The following TRMT61A variants were observed in gnomAD, a reference collection of about 807,000 sequenced individuals.
TRMT61A encodes tRNA methyltransferase 61A.
A neutral mutation model predicts 21.3 loss-of-function variants in TRMT61A; 15 were observed. The observed-to-expected ratio is 0.70, with a 90% CI of 0.47 to 1.08. TRMT61A has a LOEUF of 1.08. Among genes scored for constraint, TRMT61A ranks in the 50% least tolerant of loss-of-function variants. The pLI, the probability that TRMT61A is intolerant of heterozygous loss-of-function variation, is 0.00. For synonymous variants in TRMT61A, 183 were observed against 185.5 expected (o/e 0.99, Z 0.11); for missense variants, 352 against 426.7 (o/e 0.83, Z 1.54).
chr14:103,536,863 A>C lies in TRMT61A; in HGVS notation c.*2042A>C, dbSNP rs2075975952. ...CATGGAGAGCGGGAGGTCCCAGCCC[A>C]CCCTTAGTTGTCACATGGGACAGAG... is the stretch of plus-strand genomic sequence containing the variant. On this transcript the variant is annotated 3_prime_UTR_variant, in exon 4 of 4. Transcript: ENST00000389749. 1 of 151,918 alleles carries C rather than the reference A, an allele frequency of 6.6e-6. No homozygotes were observed. Among genetic ancestry groups the C allele is most frequent in the Admixed American group, 6.6e-5 (1 of 15,250 alleles). The allele number at this position is 151,918 out of a possible 1,614,324, so 9.4% of individuals were successfully genotyped here.
At chr14:103,533,717 G>A (rs1404082441) in intron 3 of TRMT61A, among the ~76,000 whole-genome samples, 4 of 152,164 alleles carry the variant, frequency 2.6e-5, no homozygotes, top group Admixed American at 1.3e-4. Context: ...CTTTCCCTGC[G>A]AGCTCCCCCT....
chr14:103,534,424 G>T, intron 3 of TRMT61A, 126 bp from the exon 4 acceptor site: 5 of 1,144,462 alleles, frequency 4.4e-6, no homozygotes, highest in Non-Finnish European at 6.0e-6. Flanking sequence ...TGGAGAGCTT[G>T]CAGTCTGTGT....
At position 103,530,011 on chromosome 14, in the gene TRMT61A, G is replaced by C; in HGVS notation, c.33G>C (p.Lys11Asn). ...TCGTGGCATACGAGGAGCTGATCAAGGAGGGTGACACGGCCATCCTGTCAC... is the reference window on the plus strand; with the variant it reads ...TCGTGGCATACGAGGAGCTGATCAACGAGGGTGACACGGCCATCCTGTCAC... MSFVAYEELI[K>N]EGDTAILSLG... is the part of the protein sequence containing the mutation. The change falls in exon 2 of 4, where the codon AAG becomes AAC. Residue 11 changes from lysine (K) to asparagine (N), a missense_variant. By Grantham distance (94) the Lys-to-Asn change is moderately conservative. Transcript: ENST00000389749. 6.2e-7 allele frequency: 1 copy of C among 1,611,954 alleles called. No homozygotes were observed. The highest frequency in any genetic ancestry group is 8.5e-7 in the Non-Finnish European group (1 of 1,179,258).
rs1444703883 is a variant in TRMT61A at position 103,534,813 on chromosome 14, C to T, written c.862C>T (p.Pro288Ser). The T allele has an allele frequency of 6.4e-7, 1 of 1,550,784 alleles. No individual in the cohort carries two copies. The highest frequency in any genetic ancestry group is 1.4e-5 in the African/African-American group (1 of 73,730). Residue 288 changes from proline to serine, a missense_variant, in exon 4 of 4, where the codon CCA becomes TCA. Physicochemically the swap from Pro to Ser is moderately conservative, Grantham distance 74. Coordinates refer to ENST00000389749, the MANE Select transcript of TRMT61A (RefSeq NM_152307.3). ...TGYLTFATKT[P>S]G ...CTACCTGACCTTCGCCACCAAGACC[C>T]CAGGCTAGGGGGCCGCCTCCCAGGG...
At position 103,532,696 on chromosome 14, in the gene TRMT61A, A is replaced by G. The variant is rs200065262; in HGVS notation, c.446A>G (p.Gln149Arg). Residue 149 changes from glutamine to arginine, a missense_variant, in exon 3 of 4, where the codon CAG becomes CGG. Physicochemically the swap from Gln to Arg is conservative, Grantham distance 43. Coordinates refer to ENST00000389749, the MANE Select transcript of TRMT61A (RefSeq NM_152307.3). The part of the protein sequence containing the change: ...QRAEKAREEF[Q>R]EHRVGRWVTV... ...GCAGAGAAGGCCCGGGAGGAGTTCC[A>G]GGAGCACCGTGTGGGCCGCTGGGTG... The G allele has an allele frequency of 9.3e-6, 15 of 1,613,244 alleles. No homozygotes were observed. The African/African-American group carries it at 1.7e-4, about 19-fold the overall frequency.
In TRMT61A at chr14:103,530,203, C is replaced by G. The variant is rs952631507; in HGVS notation, c.225C>G (p.Leu75=). The G allele has an allele frequency of 3.1e-6, 5 of 1,612,308 alleles. No individual in the cohort carries two copies. Among genetic ancestry groups the G allele is most frequent in the Non-Finnish European group, 4.2e-6 (5 of 1,179,560 alleles). Residue 75 remains leucine (L), a synonymous_variant, in exon 2 of 4, where the codon CTC becomes CTG. Transcript: ENST00000389749. The part of the protein sequence containing the change: ...WVYVLHPTPE[L]WTLNLPHRTQ... ...ATGTGCTGCACCCCACGCCCGAGCT[C>G]TGGACGCTGAACCTGCCGCACCGCA...
At chr14:103,532,981 T>C in intron 3 of TRMT61A, 133 bp downstream of exon 3, 1 of 1,284,528 alleles carries the variant, frequency 7.8e-7, no homozygotes, top group Non-Finnish European at 1.0e-6. Context: ...GGGCCCCACT[T>C]TGGCCTGAGG....
chr14:103,534,832 C>G lies in TRMT61A; in HGVS notation c.*11C>G. On this transcript the variant is annotated 3_prime_UTR_variant, in exon 4 of 4. Transcript: ENST00000389749. ...AAGACCCCAGGCTAGGGGGCCGCCT[C>G]CCAGGGCACCAGGGAGCTGGGAGCA... 6.5e-7 allele frequency: 1 copy of G among 1,540,780 alleles called. No homozygotes were observed. Among genetic ancestry groups the G allele is most frequent in the Non-Finnish European group, 8.7e-7 (1 of 1,146,014 alleles).
rs1251494772 is a variant in TRMT61A at position 103,531,920 on chromosome 14, A to C, written c.332-662A>C. On this transcript the variant is annotated intron_variant, in intron 2 of 3. Transcript: ENST00000389749. The surrounding 1 kb of genome is among the most constrained non-coding windows in gnomAD (Gnocchi z 5.1). ...AGACAGGAAGTCAAGCAGAGGGGCCATCTTGAGGGAAGCTGGGGAGGGAAG... is the reference window on the plus strand; with the variant it reads ...AGACAGGAAGTCAAGCAGAGGGGCCCTCTTGAGGGAAGCTGGGGAGGGAAG... Among the ~76,000 whole-genome samples the C allele has an allele frequency of 1.3e-5, 2 of 151,882 alleles. No individual in the cohort carries two copies. The highest frequency in any genetic ancestry group is 4.8e-5 in the African/African-American group (2 of 41,326).
In TRMT61A at chr14:103,532,622, C is replaced by T. The variant is rs1235402912; in HGVS notation, c.372C>T (p.Thr124=). 6.8e-6 allele frequency: 11 copies of T among 1,613,332 alleles called. No individual in the cohort carries two copies. The highest frequency in any genetic ancestry group is 9.3e-6 in the Non-Finnish European group (11 of 1,180,022). The change falls in exon 3 of 4, where the codon ACC becomes ACT. Residue 124 remains threonine (T), a synonymous_variant. Transcript: ENST00000389749. The stretch of plus-strand genomic sequence containing the variant: ...CTGTGTCCCACGCCATCATCCGCAC[C>T]ATTGCACCCACGGGTCACCTGCACA... The part of the protein sequence containing the change: ...SGSVSHAIIR[T]IAPTGHLHTV...
At position 103,534,629 on chromosome 14, in the gene TRMT61A, A is replaced by G; in HGVS notation, c.678A>G (p.Ser226=). ...AGGCGCTGGCAGCGCGCGGCTTCTC[A>G]GAGCTGAGCACCCTGGAGGTGCTGC... ...TCQALAARGF[S]ELSTLEVLPQ... The change falls in exon 4 of 4, where the codon TCA becomes TCG. Residue 226 remains serine, a synonymous_variant. Transcript: ENST00000389749. 3 of 1,609,700 alleles carry G rather than the reference A, an allele frequency of 1.9e-6. No homozygotes were observed. The highest frequency in any genetic ancestry group is 2.5e-6 in the Non-Finnish European group (3 of 1,177,918).
chr14:103,534,674 C>T lies in TRMT61A; in HGVS notation c.723C>T (p.Arg241=). Residue 241 remains arginine (R), a synonymous_variant, in exon 4 of 4, where the codon CGC becomes CGT. Transcript: ENST00000389749. ...LEVLPQVYNV[R]TVSLPPPDLG... is the part of the protein sequence containing the mutation. ...TGCTGCCACAGGTCTACAACGTGCG[C>T]ACTGTCAGCCTGCCACCGCCCGACC... The T allele has an allele frequency of 1.9e-6, 3 of 1,610,506 alleles. No homozygotes were observed. Among genetic ancestry groups the T allele is most frequent in the Non-Finnish European group, 2.5e-6 (3 of 1,179,692 alleles).
chr14:103,530,144 T>C lies in TRMT61A; in HGVS notation c.166T>C (p.Ser56Pro). 1 of 1,612,850 alleles carries C rather than the reference T, an allele frequency of 6.2e-7. No individual in the cohort carries two copies. The highest frequency in any genetic ancestry group is 8.5e-7 in the Non-Finnish European group (1 of 1,179,998). Residue 56 changes from serine to proline, a missense_variant, in exon 2 of 4, where the codon TCC becomes CCC. Transcript: ENST00000389749. ...TGACCTTATCGGCCGCCCCTTCGGC[T>C]CCAAGGTGACGTGCGGCCGAGGTGG... is the stretch of plus-strand genomic sequence containing the variant. The part of the protein sequence containing the change: ...SVDLIGRPFG[S>P]KVTCGRGGWV...
Position 103,530,201 on chromosome 14 carries a change from C to G in TRMT61A, c.223C>G (p.Leu75Val), listed in dbSNP as rs1162551813. 1 of 1,612,404 alleles carries G rather than the reference C, an allele frequency of 6.2e-7. No individual in the cohort carries two copies. The highest frequency in any genetic ancestry group is 1.7e-5 in the Admixed American group (1 of 60,026). ...GTATGTGCTGCACCCCACGCCCGAG[C>G]TCTGGACGCTGAACCTGCCGCACCG... ...WVYVLHPTPE[L>V]WTLNLPHRTQ... The change falls in exon 2 of 4, where the codon CTC (leucine) becomes GTC (valine). Residue 75 changes from leucine to valine, a missense_variant. Leu to Val is a conservative substitution (Grantham distance 32). Transcript: ENST00000389749.
intron 3 of TRMT61A, among the ~76,000 whole-genome samples, chr14:103,533,858 C>A (rs2075963518): frequency 6.6e-6 from 1 of 152,236 alleles, no homozygotes; most frequent in Non-Finnish European, 1.5e-5. Flanking sequence ...GCAGGTGCCT[C>A]CTCTAACCCC....
rs1175254755 is a variant in TRMT61A, at chr14:103,531,112, G to A, written c.331+803G>A. Among the ~76,000 whole-genome samples, 2 of 152,130 alleles carry A rather than the reference G, an allele frequency of 1.3e-5. No homozygotes were observed. The highest frequency in any genetic ancestry group is 2.9e-5 in the Non-Finnish European group (2 of 68,004). On this transcript the variant is annotated intron_variant, in intron 2 of 3. Transcript: ENST00000389749. The surrounding 1 kb of genome is among the most constrained non-coding windows in gnomAD (Gnocchi z 5.1). ...GCCTCTCCGCCCCTGCCCCACTCTC[G>A]CGAGAGAGCTCAATCAAGCAGCACC...
Position 103,529,933 on chromosome 14 carries a change from C to T in TRMT61A, c.-29-17C>T. ...CTGCCTCCTGACTTGCTCATGCCTACACACACCCCTCCCCAGGTCCTTGGC... is the reference window on the plus strand; with the variant it reads ...CTGCCTCCTGACTTGCTCATGCCTATACACACCCCTCCCCAGGTCCTTGGC... On this transcript the variant is annotated splice_polypyrimidine_tract_variant and intron_variant, in intron 1 of 3. Transcript: ENST00000389749. 1.3e-6 allele frequency: 2 copies of T among 1,538,108 alleles called. No individual in the cohort carries two copies. The highest frequency in any genetic ancestry group is 1.8e-6 in the Non-Finnish European group (2 of 1,139,782).
chr14:103,535,379 AG>A lies in TRMT61A; in HGVS notation c.*561del, dbSNP rs1421049850. 2.2e-6 allele frequency: 1 copy of A among 456,222 alleles called. No individual in the cohort carries two copies. 28.3% of individuals were successfully genotyped at this position (456,222 alleles called of 1,614,324 possible). A position where few individuals can be genotyped will look rare whatever the true frequency, so the allele number is the denominator to read the frequency against. The stretch of plus-strand genomic sequence containing the variant: ...AGGAGACCAGGCCAGCCCAGGAACC[AG>A]GGAGGTGACCCTGCTCTCTGGCCTC... On this transcript the variant is annotated 3_prime_UTR_variant, in exon 4 of 4. Coordinates refer to ENST00000389749, the MANE Select transcript of TRMT61A (RefSeq NM_152307.3).
chr14:103,529,218 G>A lies in TRMT61A; in HGVS notation c.-73G>A, dbSNP rs1355378985. 2 of 297,654 alleles carry A rather than the reference G, an allele frequency of 6.7e-6. No homozygotes were observed. The highest frequency in any genetic ancestry group is 1.4e-5 in the Non-Finnish European group (2 of 145,780). 18.4% of individuals were successfully genotyped at this position (297,654 alleles called of 1,614,324 possible). ...AGTGTTGTGGCCGCCGCCGCCGCGC[G>A]TCGCGGAGGCACGTGTGGAGCCCCG... On this transcript the variant is annotated 5_prime_UTR_variant, in exon 1 of 4. Coordinates refer to ENST00000389749, the MANE Select transcript of TRMT61A (RefSeq NM_152307.3).
Sources: gnomAD v4.1 joint callset for allele counts (sites outside exome capture counted in the v4.1 genomes callset) on GRCh38, gnomAD v4.1.1 for gene constraint, Gnocchi (gnomAD v3.1) non-coding constraint, MANE v1.5 for transcripts, NCBI Gene and HGNC (gene_info 2026-07-23, HGNC 2026-07-21) for gene names.